Variants in CACNA2D3 observed in about 807,000 individuals in gnomAD.
CACNA2D3 encodes the protein calcium voltage-gated channel auxiliary subunit alpha2delta 3, also known as voltage-dependent calcium channel subunit alpha-2/delta-3.
In CACNA2D3, 60 loss-of-function variants were observed where a neutral mutation model predicts 160.6. That is an observed-to-expected ratio of 0.37 (90% CI 0.30 to 0.46). The LOEUF (loss-of-function observed/expected upper bound fraction) is 0.46. Among genes scored for constraint, CACNA2D3 ranks in the 20% least tolerant of loss-of-function variants. The pLI is 1.00. For synonymous variants in CACNA2D3, 558 were observed against 492.9 expected (o/e 1.13, Z -1.75); for missense variants, 1,205 against 1,365.0 (o/e 0.88, Z 1.85).
At chr3:55,024,800 C>A (rs1275059954) in intron 35 of CACNA2D3, among the ~76,000 whole-genome samples, 1 of 152,218 alleles carries the variant, frequency 6.6e-6, no homozygotes, top group African/African-American at 2.4e-5. Context: ...GTGAATATTT[C>A]TTTCCACAGT....
chr3:55,021,599 T>TTATATATATATATATATGTGTGTGTG (rs1160785062), intron 35 of CACNA2D3, among the ~76,000 whole-genome samples: 1 of 141,794 alleles, frequency 7.1e-6, no homozygotes, highest in South Asian at 2.2e-4. Context: ...CATCTCTAAA[T>TTATATATATATATATATGTGTGTGTG]TATATATATA....
At chr3:55,056,122 C>T (rs948797707) in intron 35 of CACNA2D3, among the ~76,000 whole-genome samples, 3 of 151,780 alleles carry the variant, frequency 2.0e-5, no homozygotes, top group African/African-American at 7.3e-5. Flanking sequence ...AAACAAAAAC[C>T]CCAGTTAAAA....
chr3:54,289,903 T>G (rs1420188879), intron 2 of CACNA2D3, among the ~76,000 whole-genome samples: 10 of 152,090 alleles, frequency 6.6e-5, no homozygotes, highest in Middle Eastern at 3.4e-3. Context: ...ATACAAAAAT[T>G]AATTCAAGAT....
intron 11 of CACNA2D3, among the ~76,000 whole-genome samples, chr3:54,700,006 A>G (rs538597203): frequency 7.0e-4 from 106 of 152,342 alleles, no homozygotes; most frequent in African/African-American, 2.3e-3. Context: ...TGACACAGGT[A>G]CACACAAGGT....
rs574405054 is a variant in CACNA2D3, at chr3:54,735,192, C to A, written c.1168-17407C>A. ...TGCTGCTTAGGCAGTCTTCTGTAGT[C>A]ACAGAATTTAGTGGATTCCCCTAGC... On this transcript the variant is annotated intron_variant, in intron 11 of 37. Coordinates refer to ENST00000474759, the MANE Select transcript of CACNA2D3 (RefSeq NM_018398.3). Among the ~76,000 whole-genome samples the A allele has an allele frequency of 2.0e-5, 3 of 152,330 alleles. No individual in the cohort carries two copies. The South Asian group carries it at 6.2e-4, about 32-fold the overall frequency.
At chr3:54,794,957 T>C (rs114762275) in intron 13 of CACNA2D3, among the ~76,000 whole-genome samples, 1,622 of 152,280 alleles carry the variant, frequency 0.011, 26 homozygotes, top group African/African-American at 0.036. Context: ...ACTAAAGATA[T>C]TTAGTCATTA....
At position 54,669,895 on chromosome 3, in the gene CACNA2D3, C is replaced by T. The variant is rs559244261; in HGVS notation, c.1167+27654C>T. On this transcript the variant is annotated intron_variant, in intron 11 of 37. Coordinates refer to ENST00000474759, the MANE Select transcript of CACNA2D3 (RefSeq NM_018398.3). The stretch of plus-strand genomic sequence containing the variant: ...AACTCCTGGGCTCAAGCTATCTACC[C>T]TCCTCAGCCTCCCAAAGTGCTGGGA... Among the ~76,000 whole-genome samples the T allele has an allele frequency of 1.1e-4, 16 of 152,216 alleles. No homozygotes were observed. The South Asian group carries it at 2.5e-3, about 24-fold the overall frequency.
chr3:54,896,468 G>A (rs1008312867), intron 25 of CACNA2D3, among the ~76,000 whole-genome samples: 1 of 152,136 alleles, frequency 6.6e-6, no homozygotes, highest in Non-Finnish European at 1.5e-5. Context: ...ATTTCTGTAG[G>A]CTTTGTTTGC....
chr3:54,655,718 A>G (rs1270944045), intron 11 of CACNA2D3, among the ~76,000 whole-genome samples: 1 of 152,242 alleles, frequency 6.6e-6, no homozygotes. Flanking sequence ...GGTATCATTA[A>G]TTAATGATAA....
intron 2 of CACNA2D3, among the ~76,000 whole-genome samples, chr3:54,183,892 GAAAAAAAAAAA>G (rs58956795): frequency 3.7e-5 from 3 of 80,798 alleles, no homozygotes; most frequent in East Asian, 8.8e-4. Context: ...TCTCAAAAAA[GAAAAAAAAAAA>G]AAAAAAAAAA....
At chr3:54,796,629 A>C (rs1411551787) in intron 13 of CACNA2D3, among the ~76,000 whole-genome samples, 1 of 152,154 alleles carries the variant, frequency 6.6e-6, no homozygotes, top group African/African-American at 2.4e-5. Context: ...TCACAGACTA[A>C]AATTATAGAG....
chr3:54,981,525 G>GGA (rs543374077), intron 29 of CACNA2D3, among the ~76,000 whole-genome samples: 2 of 151,778 alleles, frequency 1.3e-5, no homozygotes, highest in South Asian at 2.1e-4. Flanking sequence ...AGAGGAAAAA[G>GGA]GAGAGAGAGA....
At chr3:54,775,023 T>C (rs750266960) in intron 13 of CACNA2D3, among the ~76,000 whole-genome samples, 11 of 152,234 alleles carry the variant, frequency 7.2e-5, no homozygotes, top group Non-Finnish European at 1.3e-4. Flanking sequence ...GTATCTAACA[T>C]AATGTTGTTA....
At chr3:54,760,540 T>G (rs879207506) in intron 12 of CACNA2D3, among the ~76,000 whole-genome samples, 1 of 152,236 alleles carries the variant, frequency 6.6e-6, no homozygotes, top group Admixed American at 6.5e-5. Context: ...AGGAAGATGA[T>G]GATTTGCTGT....
At chr3:54,590,305 GA>G (rs1702834593) in intron 9 of CACNA2D3, among the ~76,000 whole-genome samples, 1 of 152,088 alleles carries the variant, frequency 6.6e-6, no homozygotes, top group South Asian at 2.1e-4. Context: ...CATGCTGAGT[GA>G]AAAATAAAAA....
At chr3:54,218,762 G>C (rs1015063486) in intron 2 of CACNA2D3, among the ~76,000 whole-genome samples, 1 of 152,108 alleles carries the variant, frequency 6.6e-6, no homozygotes, top group African/African-American at 2.4e-5. Flanking sequence ...CCTTCTGGAG[G>C]CTCTAGGGAA....
intron 31 of CACNA2D3, among the ~76,000 whole-genome samples, chr3:55,003,698 A>G (rs2107136530): frequency 6.6e-6 from 1 of 152,260 alleles, no homozygotes; most frequent in South Asian, 2.1e-4. Context: ...AATGGGATGG[A>G]GAGCTGACAA....
intron 14 of CACNA2D3, among the ~76,000 whole-genome samples, chr3:54,817,863 T>G (rs776439809): frequency 6.6e-6 from 1 of 152,248 alleles, no homozygotes; most frequent in Non-Finnish European, 1.5e-5. Flanking sequence ...CTTGTGGTAA[T>G]GTTTGATTAC....
chr3:54,984,259 C>T (rs1575421832), intron 29 of CACNA2D3, among the ~76,000 whole-genome samples: 1 of 151,716 alleles, frequency 6.6e-6, no homozygotes, highest in Admixed American at 6.6e-5. Context: ...GGCTTGGGGG[C>T]TTCTGAGCAC....
Sources: gnomAD v4.1 joint callset for allele counts (sites outside exome capture counted in the v4.1 genomes callset) on GRCh38, gnomAD v4.1.1 for gene constraint, MANE v1.5 for transcripts, NCBI Gene and HGNC (gene_info 2026-07-23, HGNC 2026-07-21) for gene names.